The following CFI variants were observed in gnomAD, a reference collection of about 807,000 sequenced individuals.
CFI encodes the protein C3B/C4B inactivator.
Under a neutral mutation model 78.8 loss-of-function variants are expected in CFI, and 66 were observed. The observed-to-expected ratio is 0.84, with a 90% CI of 0.69 to 1.03. The LOEUF (loss-of-function observed/expected upper bound fraction) is 1.03, where lower values mean the gene tolerates loss of function less well. Among genes scored for constraint, CFI ranks in the 50% least tolerant of loss-of-function variants. CFI has a pLI of 0.00. For missense variants in CFI, 706 were observed against 704.5 expected, an observed-to-expected ratio of 1.00 and a Z score of -0.02; for synonymous variants, 250 against 232.6, an observed-to-expected ratio of 1.07 and a Z score of -0.68.
rs779844271 is a variant in CFI at position 109,801,939 on chromosome 4, C to T, written c.33G>A (p.Leu11=). 5.0e-6 allele frequency: 8 copies of T among 1,612,308 alleles called. No homozygotes were observed. The highest frequency in any genetic ancestry group is 1.7e-4 in the Middle Eastern group (1 of 6,052). ...CCTTGCAAAACCTTAAGTGGAAGCA[C>T]AGAAATAACAGGAAAACATGAAGAA... The part of the protein sequence containing the change: MKLLHVFLLF[L]CFHLRFCKVT... Residue 11 remains leucine, a synonymous_variant, in exon 1 of 13, where the codon CTG becomes CTA. Coordinates refer to ENST00000394634, the MANE Select transcript of CFI (RefSeq NM_000204.5).
chr4:109,735,018 C>T, the CFI span, among the ~76,000 whole-genome samples: 1 of 152,136 alleles, frequency 6.6e-6, no homozygotes, highest in South Asian at 2.1e-4. Context: ...GTAGCATGAT[C>T]ATAGCTCACT....
chr4:109,749,183 C>T lies in CFI; in HGVS notation c.1148+35G>A, dbSNP rs111842392. 5.1e-4 allele frequency: 789 copies of T among 1,551,926 alleles called. 2 individuals carry two copies. In the African/African-American group the frequency reaches 7.1e-3, roughly 14 times the overall value. ...TCTCTATTACTCACTTTCATTGTTT[C>T]GGGAAATCTAAAATTTACTGAAGAC... On this transcript the variant is annotated intron_variant, in intron 10 of 12. Transcript: ENST00000394634.
At chr4:109,766,963 C>G (rs117497587) in intron 1 of CFI, 139 bp from the exon 2 acceptor site, 9,206 of 790,100 alleles carry the variant, frequency 0.012, 383 homozygotes, top group East Asian at 0.11. Context: ...CTTCAAGAAT[C>G]AGAAATAATG....
In CFI at chr4:109,740,795, A is replaced by AT. The variant is rs763444641; in HGVS notation, c.*97dup. 1.7e-5 allele frequency: 20 copies of AT among 1,168,620 alleles called. No individual in the cohort carries two copies. Among genetic ancestry groups the AT allele is most frequent in the East Asian group, 9.6e-5 (4 of 41,826 alleles). 72.4% of individuals were successfully genotyped at this position (1,168,620 alleles called of 1,614,324 possible). A position where few individuals can be genotyped will look rare whatever the true frequency, so the allele number is the denominator to read the frequency against. On this transcript the variant is annotated 3_prime_UTR_variant, in exon 13 of 13. Coordinates refer to ENST00000394634, the MANE Select transcript of CFI (RefSeq NM_000204.5). ...AAAAATATCCAGTGAGATTTGCTTC[A>AT]TTTTTCCCCCCTAGAGAATTATTAA...
At chr4:109,771,918 GGA>G (rs1270671798) in intron 1 of CFI, among the ~76,000 whole-genome samples, 7 of 151,954 alleles carry the variant, frequency 4.6e-5, no homozygotes, top group Middle Eastern at 3.2e-3. Context: ...TTTTCAAGAA[GGA>G]GAGAGAGGGG....
chr4:109,776,515 C>T (rs952968631), intron 1 of CFI, among the ~76,000 whole-genome samples: 28 of 152,154 alleles, frequency 1.8e-4, no homozygotes, highest in Admixed American at 1.1e-3. Context: ...CTGAAAGTGA[C>T]GAGGAGAATG....
intron 1 of CFI, among the ~76,000 whole-genome samples, chr4:109,773,424 G>C (rs559616284): frequency 1.3e-5 from 2 of 152,158 alleles, no homozygotes; most frequent in Non-Finnish European, 2.9e-5. Flanking sequence ...GCTGAGGCAG[G>C]AGAATCGCTT....
At chr4:109,768,334 T>TAAAAAAAAAAAAAA (rs756365540) in intron 1 of CFI, among the ~76,000 whole-genome samples, 19 of 63,174 alleles carry the variant, frequency 3.0e-4, no homozygotes, top group East Asian at 1.1e-3. Context: ...GAAGAAATCC[T>TAAAAAAAAAAAAAA]AAAAAAAAAA....
chr4:109,756,705 C>T (rs1245507906), intron 7 of CFI, among the ~76,000 whole-genome samples: 1 of 151,156 alleles, frequency 6.6e-6, no homozygotes, highest in African/African-American at 2.4e-5. Context: ...ACTAAAAATA[C>T]AAAAATTAGC....
At chr4:109,740,391 A>G (rs1723652172), downstream of CFI, among the ~76,000 whole-genome samples, 1 of 152,152 alleles carries the variant, frequency 6.6e-6, no homozygotes, top group East Asian at 1.9e-4. Flanking sequence ...TGAGAAAGAA[A>G]TAAAGAGGAA....
chr4:109,755,718 A>T (rs1448546343), intron 7 of CFI, among the ~76,000 whole-genome samples: 2 of 152,168 alleles, frequency 1.3e-5, no homozygotes, highest in Non-Finnish European at 2.9e-5. Flanking sequence ...AAACTGTAAG[A>T]AATAAATGTA....
intron 1 of CFI, among the ~76,000 whole-genome samples, chr4:109,796,236 A>G (rs1413463023): frequency 6.6e-6 from 1 of 152,172 alleles, no homozygotes; most frequent in Non-Finnish European, 1.5e-5. Context: ...TGTCATAACG[A>G]AGAAACAAAA....
At chr4:109,745,499 G>A (rs897547749) in intron 11 of CFI, among the ~76,000 whole-genome samples, 8 of 152,192 alleles carry the variant, frequency 5.3e-5, no homozygotes, top group Admixed American at 3.3e-4. Flanking sequence ...AGGGAAAGGT[G>A]TTGACTAGTT....
chr4:109,782,305 TGA>T (rs1364128963), intron 1 of CFI, among the ~76,000 whole-genome samples: 4 of 152,002 alleles, frequency 2.6e-5, no homozygotes, highest in Non-Finnish European at 5.9e-5. Flanking sequence ...GCTCTAGAAC[TGA>T]TACAAGAATT....
chr4:109,787,717 T>A (rs1730912667), intron 1 of CFI, among the ~76,000 whole-genome samples: 1 of 152,028 alleles, frequency 6.6e-6, no homozygotes. Flanking sequence ...TGTGCTAATT[T>A]TTAGTCTCTC....
At chr4:109,794,472 A>G (rs1344564780) in intron 1 of CFI, 1 of 152,082 alleles carries the variant, frequency 6.6e-6, no homozygotes, top group Admixed American at 6.5e-5. Flanking sequence ...TCAACTCCAG[A>G]AGTTTTGTCT....
At chr4:109,749,370 C>T (rs201277139) in intron 9 of CFI, 49 bp from the exon 10 acceptor site, 58 of 1,543,222 alleles carry the variant, frequency 3.8e-5, no homozygotes, top group Non-Finnish European at 5.0e-5. Flanking sequence ...GATAGCGATA[C>T]AAACAGCCCT....
intron 1 of CFI, among the ~76,000 whole-genome samples, chr4:109,785,496 C>G (rs1730628197): frequency 6.6e-6 from 1 of 151,832 alleles, no homozygotes; most frequent in Admixed American, 6.6e-5. Context: ...AATTTATTTA[C>G]TTATATTTTT....
chr4:109,757,450 G>C (rs148312792), intron 7 of CFI, among the ~76,000 whole-genome samples: 3 of 152,276 alleles, frequency 2.0e-5, no homozygotes, highest in Admixed American at 2.0e-4. Context: ...TCTTTATTCA[G>C]GTGGCAATTT....
Sources: gnomAD v4.1 joint callset for allele counts (sites outside exome capture counted in the v4.1 genomes callset) on GRCh38, gnomAD v4.1.1 for gene constraint, MANE v1.5 for transcripts, NCBI Gene and HGNC (gene_info 2026-07-23, HGNC 2026-07-21) for gene names.